KLHL22: variants seen among roughly 807,000 people sequenced by gnomAD.
The protein encoded by KLHL22 is kelch like family member 22.
KLHL22 carries 18 observed loss-of-function variants against 60.7 expected under a neutral mutation model. That is an observed-to-expected ratio of 0.30 (90% CI 0.20 to 0.44). The LOEUF (loss-of-function observed/expected upper bound fraction) is 0.44, where lower values mean the gene tolerates loss of function less well. Ranked by LOEUF, KLHL22 falls within the 20% of genes least tolerant of loss-of-function variation. The pLI, the probability that KLHL22 is intolerant of heterozygous loss-of-function variation, is 1.00. For missense variants in KLHL22, 596 were observed against 852.3 expected (o/e 0.70, Z 3.74); for synonymous variants, 355 against 354.5 (o/e 1.00, Z -0.01).
chr22:20,494,686 T>A (rs1343114607), intron 1 of KLHL22, among the ~76,000 whole-genome samples: 1 of 152,172 alleles, frequency 6.6e-6, no homozygotes, highest in Non-Finnish European at 1.5e-5. Context: ...CCCAGTCTCA[T>A]ATCCCCAATT....
At chr22:20,459,067 C>G (rs543204213) in intron 4 of KLHL22, among the ~76,000 whole-genome samples, 1 of 152,178 alleles carries the variant, frequency 6.6e-6, no homozygotes, top group Non-Finnish European at 1.5e-5. Context: ...GAGATGATCA[C>G]AGAGCCATGA....
Position 20,489,069 on chromosome 22 carries a change from A to G in KLHL22, c.143T>C (p.Ile48Thr). 2 of 1,614,074 alleles carry G rather than the reference A, an allele frequency of 1.2e-6. No homozygotes were observed. The highest frequency in any genetic ancestry group is 1.7e-6 in the Non-Finnish European group (2 of 1,180,016). ...RGLLALRDSG[I>T]LFDVVLVVEG... ...CACCACCAGCACAACATCGAAGAGG[A>G]TTCCGCTGTCCCGGAGAGCCAGCAG... The change falls in exon 2 of 7, where the codon ATC becomes ACC. Residue 48 changes from isoleucine to threonine, a missense_variant. Ile to Thr is a moderately conservative substitution (Grantham distance 89). Transcript: ENST00000328879.
chr22:20,481,477 G>C (rs532261903), intron 2 of KLHL22, among the ~76,000 whole-genome samples: 1 of 152,124 alleles, frequency 6.6e-6, no homozygotes, highest in Non-Finnish European at 1.5e-5. Context: ...GGAAGCTGAG[G>C]TGGGAGAATC....
intron 4 of KLHL22, among the ~76,000 whole-genome samples, chr22:20,464,287 T>C (rs970707464): frequency 1.3e-5 from 2 of 152,156 alleles, no homozygotes; most frequent in Admixed American, 1.3e-4. Context: ...AGAGCGGAAA[T>C]GTAGCATGAG....
At chr22:20,467,279 G>C (rs540794574) in intron 3 of KLHL22, among the ~76,000 whole-genome samples, 1 of 152,308 alleles carries the variant, frequency 6.6e-6, no homozygotes, top group Non-Finnish European at 1.5e-5. Context: ...AGGAAAAACT[G>C]GTTCTGGCCC....
At chr22:20,483,300 C>T in intron 2 of KLHL22, 3 of 711,212 alleles carry the variant, frequency 4.2e-6, no homozygotes, top group East Asian at 2.7e-5. Flanking sequence ...GAGACCAGTA[C>T]TTGTCCAGCT....
rs781255639 is a variant in KLHL22 at position 20,457,850 on chromosome 22, A to G, written c.1263T>C (p.Pro421=). ...NDLNAVERYD[P]ATNSWAYVAP... ...CCACGTATGCCCAGGAGTTGGTGGC[A>G]GGGTCGTAGCGCTCCACAGCATTCA... Residue 421 remains proline (P), a synonymous_variant, in exon 5 of 7, where the codon CCT becomes CCC. Transcript: ENST00000328879. 10 of 1,609,354 alleles carry G rather than the reference A, an allele frequency of 6.2e-6. No individual in the cohort carries two copies. The highest frequency in any genetic ancestry group is 1.7e-5 in the Admixed American group (1 of 59,270).
At chr22:20,486,693 T>G (rs1334252641) in intron 2 of KLHL22, among the ~76,000 whole-genome samples, 1 of 152,022 alleles carries the variant, frequency 6.6e-6, no homozygotes, top group East Asian at 1.9e-4. Context: ...CTTTTTTTTT[T>G]TTTTTGAGAC....
intron 2 of KLHL22, among the ~76,000 whole-genome samples, chr22:20,486,065 G>C (rs2146280720): frequency 6.6e-6 from 1 of 150,586 alleles, no homozygotes; most frequent in South Asian, 2.1e-4. Context: ...CTACTCGAGA[G>C]GCTGAGGCAG....
intron 5 of KLHL22, chr22:20,450,980 GC>G: frequency 1.3e-6 from 2 of 1,580,454 alleles, no homozygotes; most frequent in South Asian, 2.2e-5. Context: ...GTGGCTGGGG[GC>G]TTCGGAAGCC....
rs201019878 is a variant in KLHL22, at chr22:20,494,905, C to T, written c.-34+855G>A. Among the ~76,000 whole-genome samples the T allele has an allele frequency of 4.6e-5, 7 of 152,326 alleles. No homozygotes were observed. In the East Asian group the frequency reaches 1.2e-3, roughly 25 times the overall value. On this transcript the variant is annotated intron_variant, in intron 1 of 6. Coordinates refer to ENST00000328879, the MANE Select transcript of KLHL22 (RefSeq NM_032775.4). ...TAGATACCCTCAGCCTTCTGTAGGG[C>T]CCCCGAACGAGCAGTATCCCCTCAA...
intron 5 of KLHL22, chr22:20,456,241 G>C (rs1204910767): frequency 6.6e-6 from 1 of 152,174 alleles, no homozygotes; most frequent in Non-Finnish European, 1.5e-5. Flanking sequence ...CCACTTTACT[G>C]ATCTGTTTTC....
intron 5 of KLHL22, among the ~76,000 whole-genome samples, chr22:20,455,428 A>T (rs1164571343): frequency 2.0e-5 from 3 of 152,168 alleles, no homozygotes; most frequent in Admixed American, 6.5e-5. Context: ...CTGCTCAGGA[A>T]AAGCTGTGAG....
chr22:20,466,296 C>T (rs1293346534), intron 3 of KLHL22, among the ~76,000 whole-genome samples: 10 of 147,256 alleles, frequency 6.8e-5, no homozygotes, highest in African/African-American at 2.5e-4. Context: ...ATCGCTGGAA[C>T]CCAGGAGGCG....
rs530308645 is a variant in KLHL22 at position 20,469,225 on chromosome 22, A to G, written c.393+2125T>C. Among the ~76,000 whole-genome samples the G allele has an allele frequency of 1.3e-4, 20 of 152,304 alleles. No individual in the cohort carries two copies. In the South Asian group the frequency reaches 3.5e-3, roughly 27 times the overall value. On this transcript the variant is annotated intron_variant, in intron 3 of 6. Coordinates refer to ENST00000328879, the MANE Select transcript of KLHL22 (RefSeq NM_032775.4). Reference sequence around the variant, plus strand: ...AAAGGGAAGGAAATGGAAACACAGAACAGAGATGGCTACAAGCAATACCGA... The same window carrying G: ...AAAGGGAAGGAAATGGAAACACAGAGCAGAGATGGCTACAAGCAATACCGA...
chr22:20,448,234 T>C (rs2052910290), intron 5 of KLHL22, among the ~76,000 whole-genome samples: 2 of 152,202 alleles, frequency 1.3e-5, no homozygotes, highest in Admixed American at 1.3e-4. Flanking sequence ...ACAGGTTGAG[T>C]ACCTCCAAAA....
chr22:20,455,822 TAGA>T (rs1001909115), intron 5 of KLHL22, among the ~76,000 whole-genome samples: 1 of 152,222 alleles, frequency 6.6e-6, no homozygotes, highest in African/African-American at 2.4e-5. Context: ...CATGCGCTGC[TAGA>T]AGACCACCCA....
chr22:20,450,223 T>C, intron 5 of KLHL22: 2 of 819,068 alleles, frequency 2.4e-6, no homozygotes, highest in Admixed American at 1.7e-5. Context: ...CCTTCTGTGA[T>C]GTGACATTGA....
At chr22:20,466,721 GC>G (rs2053242866) in intron 3 of KLHL22, among the ~76,000 whole-genome samples, 1 of 152,174 alleles carries the variant, frequency 6.6e-6, no homozygotes, top group African/African-American at 2.4e-5. Context: ...CAGTGCCATG[GC>G]AAGATCATAG....
Sources: gnomAD v4.1 joint callset for allele counts (sites outside exome capture counted in the v4.1 genomes callset) on GRCh38, gnomAD v4.1.1 for gene constraint, MANE v1.5 for transcripts, NCBI Gene and HGNC (gene_info 2026-07-23, HGNC 2026-07-21) for gene names.